Variants in FGFR4 observed in about 807,000 individuals in gnomAD.
FGFR4 encodes the protein hydroxyaryl-protein kinase.
FGFR4 carries 63 observed loss-of-function variants against 89.9 expected under a neutral mutation model. That is an observed-to-expected ratio of 0.70 (90% CI 0.57 to 0.86). The LOEUF (loss-of-function observed/expected upper bound fraction) is 0.86, where lower values mean the gene tolerates loss of function less well. Ranked by LOEUF, FGFR4 falls within the 40% of genes least tolerant of loss-of-function variation. The pLI, the probability that FGFR4 is intolerant of heterozygous loss-of-function variation, is 0.00. For synonymous variants in FGFR4, 486 were observed against 479.4 expected (o/e 1.01, Z -0.18); for missense variants, 928 against 1,106.7 (o/e 0.84, Z 2.29).
At position 177,092,323 on chromosome 5, in the gene FGFR4, C is replaced by T. The variant is rs777010660; in HGVS notation, c.730C>T (p.Arg244Trp). 7.6e-6 allele frequency: 12 copies of T among 1,569,480 alleles called. No homozygotes were observed. The highest frequency in any genetic ancestry group is 1.8e-5 in the Admixed American group (1 of 54,840). The change falls in exon 7 of 18, where the codon CGG becomes TGG. Residue 244 changes from arginine to tryptophan, a missense_variant and splice_region_variant. By Grantham distance (101) the Arg-to-Trp change is moderately radical (BLOSUM62 -3). Around this residue, in one of 5 missense-constraint regions of FGFR4, gnomAD observed 741 missense variants for 836.9 expected, o/e 0.89. Transcript: ENST00000292408. ...RYNYLLDVLE[R>W]SPHRPILQAG... is the part of the protein sequence containing the mutation. ...TGACTGTCTCGCCCGGTCCCCAGAGCGGTCCCCGCACCGGCCCATCCTGCA... is the reference window on the plus strand; with the variant it reads ...TGACTGTCTCGCCCGGTCCCCAGAGTGGTCCCCGCACCGGCCCATCCTGCA...
intron 15 of FGFR4, 78 bp from the exon 16 acceptor site, chr5:177,096,526 A>AT: frequency 6.4e-7 from 1 of 1,572,242 alleles, no homozygotes; most frequent in Non-Finnish European, 8.7e-7. Context: ...GTGGTGGGTC[A>AT]TGTCTGTGGG....
At position 177,093,818 on chromosome 5, in the gene FGFR4, C is replaced by T; in HGVS notation, c.1519+43C>T. ...TGGTGGCTCACACCTGTAACGCCAG[C>T]ACTTTAGGAGGCTGAGGGTGGGAGG... is the stretch of plus-strand genomic sequence containing the variant. On this transcript the variant is annotated intron_variant, in intron 11 of 17. Coordinates refer to ENST00000292408, the MANE Select transcript of FGFR4 (RefSeq NM_213647.3). This position sits in a 1 kb window ranked among gnomAD's most constrained non-coding sequence, Gnocchi z 5.8. The T allele has an allele frequency of 5.0e-6, 8 of 1,584,622 alleles. No individual in the cohort carries two copies. Among genetic ancestry groups the T allele is most frequent in the African/African-American group, 1.3e-5 (1 of 74,452 alleles).
rs764290226 is a variant in FGFR4 at position 177,096,243 on chromosome 5, G to A, written c.1945-44G>A. ...GCACTGGGCCCGGGGTGGCAGGCAC[G>A]AGGACCTGTGGGACTCTGCACTGAG... On this transcript the variant is annotated intron_variant, in intron 14 of 17. Transcript: ENST00000292408. 24 of 1,613,656 alleles carry A rather than the reference G, an allele frequency of 1.5e-5. 1 individual carries two copies. The highest frequency in any genetic ancestry group is 1.2e-4 in the South Asian group (11 of 91,020).
chr5:177,092,647 C>A lies in FGFR4; in HGVS notation c.920C>A (p.Thr307Asn), dbSNP rs200525902. The A allele has an allele frequency of 6.2e-7, 1 of 1,603,570 alleles. No individual in the cohort carries two copies. Among genetic ancestry groups the A allele is most frequent in the Non-Finnish European group, 8.5e-7 (1 of 1,171,788 alleles). The change falls in exon 8 of 18, where the codon ACT (threonine) becomes AAT (asparagine). Residue 307 changes from threonine to asparagine, a missense_variant and splice_region_variant. Transcript: ENST00000292408. ...CCCAGAGCATGTCCCCCACCCCAGA[C>A]TGCAGACATCAATAGCTCAGAGGTG... ...DGFPYVQVLK[T>N]ADINSSEVEV...
chr5:177,091,257 G>T (rs575417141), intron 5 of FGFR4, among the ~76,000 whole-genome samples, 153 bp downstream of exon 5: 2 of 152,298 alleles, frequency 1.3e-5, no homozygotes, highest in Non-Finnish European at 2.9e-5. Context: ...GGGCAGCTCT[G>T]GTTCCCCTTC....
At position 177,092,774 on chromosome 5, in the gene FGFR4, G is replaced by A. The variant is rs149471437; in HGVS notation, c.1047G>A (p.Thr349=). The A allele has an allele frequency of 8.1e-6, 13 of 1,614,102 alleles. No homozygotes were observed. The highest frequency in any genetic ancestry group is 6.7e-5 in the East Asian group (3 of 44,886). ...TCTCCTACCAGTCTGCCTGGCTCAC[G>A]GTGCTGCCAGGTGAGCACCTGAAGG... The part of the protein sequence containing the change: ...IGLSYQSAWL[T]VLPEEDPTWT... The change falls in exon 8 of 18, where the codon ACG becomes ACA. Residue 349 remains threonine, a synonymous_variant. Transcript: ENST00000292408.
At position 177,097,855 on chromosome 5, in the gene FGFR4, A is replaced by G; in HGVS notation, c.*179A>G. The G allele has an allele frequency of 4.5e-6, 3 of 670,330 alleles. No homozygotes were observed. The highest frequency in any genetic ancestry group is 7.0e-6 in the Non-Finnish European group (3 of 430,338). The allele number at this position is 670,330 out of a possible 1,614,324, so 41.5% of individuals were successfully genotyped here. A position where few individuals can be genotyped will look rare whatever the true frequency, so the allele number is the denominator to read the frequency against. Reference sequence around the variant, plus strand: ...GCCGTGCCTGTGTCCTGATGGCCCAAATGTCAGGGTTCTGCTCGGCTTCTT... The same window carrying G: ...GCCGTGCCTGTGTCCTGATGGCCCAGATGTCAGGGTTCTGCTCGGCTTCTT... On this transcript the variant is annotated 3_prime_UTR_variant, in exon 18 of 18. Coordinates refer to ENST00000292408, the MANE Select transcript of FGFR4 (RefSeq NM_213647.3).
intron 1 of FGFR4, chr5:177,088,115 C>G (rs376655402): frequency 1.3e-5 from 2 of 156,192 alleles, no homozygotes; most frequent in African/African-American, 2.4e-5. Flanking sequence ...TGCAGTGGCG[C>G]GATCTCGGCT....
chr5:177,089,745 A>G (rs1784283943), intron 2 of FGFR4, 52 bp downstream of exon 2: 1 of 1,594,726 alleles, frequency 6.3e-7, no homozygotes, highest in East Asian at 2.3e-5. Context: ...AGTGGGCACC[A>G]GGAGGGGGCT....
rs777207919 is a variant in FGFR4 at position 177,097,320 on chromosome 5, G to A, written c.2182G>A (p.Ala728Thr). ...LYGLMRECWH[A>T]APSQRPTFKQ... ...CGGGCTGATGCGTGAGTGCTGGCAC[G>A]CAGCGCCCTCCCAGAGGCCTACCTT... The change falls in exon 17 of 18, where the codon GCA (alanine) becomes ACA (threonine). Residue 728 changes from alanine (A) to threonine (T), a missense_variant. Ala to Thr is a moderately conservative substitution (Grantham distance 58). Coordinates refer to ENST00000292408, the MANE Select transcript of FGFR4 (RefSeq NM_213647.3). 5.2e-5 allele frequency: 83 copies of A among 1,609,332 alleles called. No homozygotes were observed. The highest frequency in any genetic ancestry group is 6.7e-5 in the Non-Finnish European group (79 of 1,178,502).
rs775100440 is a variant in FGFR4, at chr5:177,091,721, G to A, written c.640G>A (p.Val214Met). 5.0e-6 allele frequency: 8 copies of A among 1,614,122 alleles called. No individual in the cohort carries two copies. The African/African-American group carries it at 5.3e-5, about 11-fold the overall frequency. ...GCACTGGAGTCTCGTGATGGAGAGC[G>A]TGGTGCCCTCGGACCGCGGCACATA... ...HQHWSLVMESVVPSDRGTYTC... is the reference protein window; with the variant it reads ...HQHWSLVMESMVPSDRGTYTC... Residue 214 changes from valine (V) to methionine (M), a missense_variant, in exon 6 of 18, where the codon GTG (valine) becomes ATG (methionine). Val to Met is a conservative substitution (Grantham distance 21). This residue lies in a region of FGFR4 where 741 missense variants were observed against 836.9 expected (regional missense o/e 0.89). Transcript: ENST00000292408.
intron 2 of FGFR4, 43 bp downstream of exon 2, chr5:177,089,736 G>C (rs1299878719): frequency 6.2e-7 from 1 of 1,601,500 alleles, no homozygotes; most frequent in South Asian, 1.1e-5. Flanking sequence ...GGTGGGAAGA[G>C]TGGGCACCAG....
Position 177,092,721 on chromosome 5 carries a change from ACCT to A in FGFR4, c.995_997del (p.Thr332_Cys333delinsSer). ...GTCAGCCGAGGACGCAGGCGAGTACACCTGCCTCGCAGGCAATTCCATCGGCCT... is the reference window on the plus strand; with the variant it reads ...GTCAGCCGAGGACGCAGGCGAGTACAGCCTCGCAGGCAATTCCATCGGCCT... On this transcript the variant is annotated inframe_deletion, in exon 8 of 18. Transcript: ENST00000292408. 6.2e-7 allele frequency: 1 copy of A among 1,614,214 alleles called. No individual in the cohort carries two copies. The highest frequency in any genetic ancestry group is 1.1e-5 in the South Asian group (1 of 91,090).
intron 5 of FGFR4, among the ~76,000 whole-genome samples, chr5:177,091,435 G>A (rs1158011117): frequency 6.6e-6 from 1 of 152,224 alleles, no homozygotes. Flanking sequence ...TCTCAGAGAA[G>A]GCAAGGGTTG....
chr5:177,090,135 CGTGTGT>C (rs59390048), intron 2 of FGFR4: 6 of 651,416 alleles, frequency 9.2e-6, no homozygotes, highest in Admixed American at 2.1e-5. Flanking sequence ...TGTGTGTATG[CGTGTGT>C]GTGTGTGTGT....
chr5:177,097,310 G>C lies in FGFR4; in HGVS notation c.2172G>C (p.Glu724Asp). Residue 724 changes from glutamate to aspartate, a missense_variant, in exon 17 of 18, where the codon GAG becomes GAC. Glu to Asp is a conservative substitution (Grantham distance 45, BLOSUM62 2). Around this residue, in one of 5 missense-constraint regions of FGFR4, gnomAD observed 129 missense variants for 150.8 expected, o/e 0.86. Transcript: ENST00000292408. ...CTCGCAGGTACGGGCTGATGCGTGA[G>C]TGCTGGCACGCAGCGCCCTCCCAGA... is the stretch of plus-strand genomic sequence containing the variant. The part of the protein sequence containing the change: ...CPPELYGLMR[E>D]CWHAAPSQRP... 3.7e-6 allele frequency: 6 copies of C among 1,608,288 alleles called. No individual in the cohort carries two copies. Among genetic ancestry groups the C allele is most frequent in the Non-Finnish European group, 5.1e-6 (6 of 1,177,998 alleles).
chr5:177,096,816 T>G, intron 16 of FGFR4, 75 bp downstream of exon 16: 1 of 1,516,288 alleles, frequency 6.6e-7, no homozygotes, highest in Non-Finnish European at 8.9e-7. Context: ...CCTCAGGGTG[T>G]GTCCCGGCCA....
At position 177,096,748 on chromosome 5, in the gene FGFR4, C is replaced by T. The variant is rs1336178486; in HGVS notation, c.2153+7C>T. On this transcript the variant is annotated splice_region_variant and intron_variant, in intron 16 of 17. Coordinates refer to ENST00000292408, the MANE Select transcript of FGFR4 (RefSeq NM_213647.3). ...CACACTGCCCCCCAGAGCTGTGAGGCCTCACCCTGCCCTCGACCCCACTTT... is the reference window on the plus strand; with the variant it reads ...CACACTGCCCCCCAGAGCTGTGAGGTCTCACCCTGCCCTCGACCCCACTTT... 1 of 1,567,500 alleles carries T rather than the reference C, an allele frequency of 6.4e-7. No homozygotes were observed. The highest frequency in any genetic ancestry group is 1.8e-5 in the Admixed American group (1 of 56,100).
rs1216312811 is a variant in FGFR4 at position 177,092,458 on chromosome 5, A to G, written c.865A>G (p.Ile289Val). The G allele has an allele frequency of 6.2e-7, 1 of 1,601,982 alleles. No homozygotes were observed. Among genetic ancestry groups the G allele is most frequent in the Non-Finnish European group, 8.5e-7 (1 of 1,174,026 alleles). The part of the protein sequence containing the change: ...PHIQWLKHIV[I>V]NGSSFGADGF... ...CATCCAGTGGCTGAAGCACATCGTC[A>G]TCAACGGCAGCAGCTTCGGAGCCGA... The change falls in exon 7 of 18, where the codon ATC (isoleucine) becomes GTC (valine). Residue 289 changes from isoleucine to valine, a missense_variant. By Grantham distance (29) the Ile-to-Val change is conservative. Transcript: ENST00000292408.
Sources: gnomAD v4.1 joint callset for allele counts (sites outside exome capture counted in the v4.1 genomes callset) on GRCh38, gnomAD v4.1.1 for gene constraint, gnomAD v4.1.1 regional missense constraint, Gnocchi (gnomAD v3.1) non-coding constraint, MANE v1.5 for transcripts, NCBI Gene and HGNC (gene_info 2026-07-23, HGNC 2026-07-21) for gene names.